TBC1D22A: variants seen among roughly 807,000 people sequenced by gnomAD.
The protein encoded by TBC1D22A is TBC1 domain family member 22A, also known as putative GTPase activator.
Under a neutral mutation model 60.2 loss-of-function variants are expected in TBC1D22A, and 38 were observed. The ratio of observed to expected loss-of-function variants is 0.63; its 90% CI spans 0.49 to 0.83. TBC1D22A has a LOEUF of 0.83. Among genes scored for constraint, TBC1D22A ranks in the 40% least tolerant of loss-of-function variants. The pLI is 0.00. For missense variants in TBC1D22A, 628 were observed against 701.0 expected (o/e 0.90, Z 1.18); for synonymous variants, 302 against 281.7 (o/e 1.07, Z -0.72).
intron 4 of TBC1D22A, among the ~76,000 whole-genome samples, chr22:46,856,980 C>T (rs573361356): frequency 2.6e-5 from 4 of 152,332 alleles, no homozygotes; most frequent in East Asian, 3.9e-4. Flanking sequence ...GAGGTCTAGT[C>T]GTACAATTGC....
intron 4 of TBC1D22A, among the ~76,000 whole-genome samples, chr22:46,872,647 G>T (rs1333236551): frequency 2.6e-5 from 4 of 152,228 alleles, no homozygotes; most frequent in African/African-American, 4.8e-5. Context: ...AGCAGCATAA[G>T]TGGGGGAACC....
intron 4 of TBC1D22A, among the ~76,000 whole-genome samples, chr22:46,822,024 G>A (rs922307377): frequency 1.3e-5 from 2 of 151,578 alleles, no homozygotes; most frequent in Admixed American, 6.6e-5. Flanking sequence ...CTGCTTGGTC[G>A]ATTCAGCTGT....
chr22:46,819,631 T>C (rs1089345), intron 4 of TBC1D22A, among the ~76,000 whole-genome samples: 49,108 of 152,106 alleles, frequency 0.32, 8,416 homozygotes, highest in African/African-American at 0.43. Context: ...CTGCTGGATT[T>C]GGTTCGCCAG....
intron 11 of TBC1D22A, among the ~76,000 whole-genome samples, chr22:47,105,872 C>G (rs759069426): frequency 6.6e-6 from 1 of 151,978 alleles, no homozygotes; most frequent in African/African-American, 2.4e-5. Flanking sequence ...GGGCAAGAAT[C>G]AGCAGTGAAA....
intron 4 of TBC1D22A, among the ~76,000 whole-genome samples, chr22:46,832,122 G>A (rs2086335464): frequency 1.3e-5 from 2 of 152,184 alleles, no homozygotes; most frequent in African/African-American, 4.8e-5. Context: ...AAGAGGCTGG[G>A]TTTGGGCAGG....
intron 10 of TBC1D22A, among the ~76,000 whole-genome samples, chr22:47,015,122 G>A (rs1008579748): frequency 6.6e-6 from 1 of 152,216 alleles, no homozygotes; most frequent in Non-Finnish European, 1.5e-5. Flanking sequence ...TGTTTTGGGG[G>A]CACAGAGCCA....
intron 5 of TBC1D22A, among the ~76,000 whole-genome samples, chr22:46,890,247 G>C (rs777734888): frequency 1.3e-5 from 2 of 152,090 alleles, no homozygotes; most frequent in African/African-American, 2.4e-5. Context: ...GCTGAGGCAG[G>C]AGATCACTTG....
chr22:46,951,512 G>A (rs927885932), intron 8 of TBC1D22A, among the ~76,000 whole-genome samples: 7 of 152,326 alleles, frequency 4.6e-5, no homozygotes, highest in East Asian at 1.9e-4. Context: ...TGCTAAGAGA[G>A]TGATGGGACA....
intron 1 of TBC1D22A, among the ~76,000 whole-genome samples, chr22:46,785,829 C>T (rs2084136108): frequency 6.6e-6 from 1 of 152,206 alleles, no homozygotes; most frequent in South Asian, 2.1e-4. Flanking sequence ...CTAGAGAGTG[C>T]AGTTTTGCCA....
chr22:47,097,431 T>C (rs893321596), intron 11 of TBC1D22A, among the ~76,000 whole-genome samples: 4 of 152,066 alleles, frequency 2.6e-5, no homozygotes, highest in African/African-American at 9.7e-5. Context: ...CTGGCCAACA[T>C]GGTGAAACCC....
intron 1 of TBC1D22A, among the ~76,000 whole-genome samples, chr22:46,768,643 C>T (rs1226094297): frequency 1.3e-5 from 2 of 152,264 alleles, no homozygotes; most frequent in East Asian, 3.9e-4. Context: ...TTAAAAATGC[C>T]AAGACAAAAT....
intron 9 of TBC1D22A, among the ~76,000 whole-genome samples, chr22:46,995,044 G>T (rs1363773442): frequency 6.6e-6 from 1 of 152,206 alleles, no homozygotes; most frequent in Non-Finnish European, 1.5e-5. Context: ...TGACACCATC[G>T]CAGCTCCTTC....
chr22:46,904,497 C>T (rs1418230899), intron 7 of TBC1D22A, among the ~76,000 whole-genome samples: 1 of 149,042 alleles, frequency 6.7e-6, no homozygotes, highest in African/African-American at 2.5e-5. Context: ...GAGACGGAGT[C>T]TTGCTTTGTT....
At chr22:46,986,254 A>G (rs136122) in intron 9 of TBC1D22A, among the ~76,000 whole-genome samples, 56,210 of 152,134 alleles carry the variant, frequency 0.37, 10,882 homozygotes, top group African/African-American at 0.49. Context: ...ATTGACGTAC[A>G]AATGGATCTT....
chr22:47,046,086 G>A (rs131903), intron 11 of TBC1D22A, among the ~76,000 whole-genome samples: 105,028 of 151,836 alleles, frequency 0.69, 36,905 homozygotes, highest in East Asian at 0.92. Flanking sequence ...ACTCGCTGAT[G>A]CTCCCTGGGC....
At chr22:46,906,704 A>G (rs1227901909) in intron 7 of TBC1D22A, among the ~76,000 whole-genome samples, 1 of 152,154 alleles carries the variant, frequency 6.6e-6, no homozygotes, top group Non-Finnish European at 1.5e-5. Context: ...TTTCTCAGCC[A>G]CATGTACTTC....
At chr22:46,941,834 A>ATGC (rs370457997) in intron 8 of TBC1D22A, among the ~76,000 whole-genome samples, 5 of 121,784 alleles carry the variant, frequency 4.1e-5, no homozygotes, top group Admixed American at 1.8e-4. Context: ...TATATAGAAT[A>ATGC]ATAGAATATA....
chr22:47,035,640 A>C (rs79957466), intron 10 of TBC1D22A, among the ~76,000 whole-genome samples: 3,585 of 152,160 alleles, frequency 0.024, 112 homozygotes, highest in African/African-American at 0.072. Context: ...GGTTTAGGGG[A>C]GGAGGGTGAC....
chr22:47,144,237 G>T (rs1014031773), intron 12 of TBC1D22A, among the ~76,000 whole-genome samples: 5 of 152,138 alleles, frequency 3.3e-5, no homozygotes, highest in African/African-American at 1.2e-4. Flanking sequence ...GTGCACTTGG[G>T]CTGCCAAGAC....
Sources: gnomAD v4.1 joint callset for allele counts (sites outside exome capture counted in the v4.1 genomes callset) on GRCh38, gnomAD v4.1.1 for gene constraint, MANE v1.5 for transcripts, NCBI Gene and HGNC (gene_info 2026-07-23, HGNC 2026-07-21) for gene names.